Variants in EPC2 observed in about 807,000 individuals in gnomAD.
EPC2 encodes enhancer of polycomb homolog 2.
A neutral mutation model predicts 92.1 loss-of-function variants in EPC2; 14 were observed. The ratio of observed to expected loss-of-function variants is 0.15; its 90% CI spans 0.10 to 0.24. The LOEUF (loss-of-function observed/expected upper bound fraction) is 0.24, where lower values mean the gene tolerates loss of function less well. Ranked by LOEUF, EPC2 falls within the 10% of genes least tolerant of loss-of-function variation. The pLI, the probability that EPC2 is intolerant of heterozygous loss-of-function variation, is 1.00. For missense variants in EPC2, 755 were observed against 971.5 expected, an observed-to-expected ratio of 0.78 and a Z score of 2.96; for synonymous variants, 340 against 334.7, an observed-to-expected ratio of 1.02 and a Z score of -0.17.
intron 1 of EPC2, among the ~76,000 whole-genome samples, chr2:148,646,153 A>G (rs1237569902): frequency 6.6e-6 from 1 of 152,182 alleles, no homozygotes; most frequent in Non-Finnish European, 1.5e-5. Context: ...CAATGAACCT[A>G]CAGTCCCGCC....
intron 2 of EPC2, among the ~76,000 whole-genome samples, chr2:148,740,802 A>G (rs1399013531): frequency 6.6e-6 from 1 of 152,140 alleles, no homozygotes; most frequent in East Asian, 1.9e-4. Flanking sequence ...TTTCTCTAAA[A>G]TGTCTTCTAG....
chr2:148,720,259 T>A (rs1411036517), intron 2 of EPC2, among the ~76,000 whole-genome samples: 1 of 152,230 alleles, frequency 6.6e-6, no homozygotes, highest in Non-Finnish European at 1.5e-5. Flanking sequence ...GGACCCTTTC[T>A]CGTCTGGACC....
intron 1 of EPC2, among the ~76,000 whole-genome samples, chr2:148,674,762 A>T (rs1052284847): frequency 6.6e-6 from 1 of 152,116 alleles, no homozygotes; most frequent in Non-Finnish European, 1.5e-5. Flanking sequence ...ATTTCAATGC[A>T]CGTGTTCCTG....
intron 7 of EPC2, among the ~76,000 whole-genome samples, chr2:148,766,236 C>A (rs1382844920): frequency 6.6e-6 from 1 of 152,052 alleles, no homozygotes; most frequent in Non-Finnish European, 1.5e-5. Context: ...TTTTAAAAAC[C>A]AACATTATAG....
chr2:148,767,082 C>T (rs955691231), intron 7 of EPC2, among the ~76,000 whole-genome samples: 3 of 151,974 alleles, frequency 2.0e-5, no homozygotes, highest in Non-Finnish European at 4.4e-5. Flanking sequence ...CCTGTAGTCC[C>T]AGCTACTCCG....
rs569901420 is a variant in EPC2 at position 148,660,210 on chromosome 2, AAGAG to A, written c.153+15043_153+15046del. Among the ~76,000 whole-genome samples the A allele has an allele frequency of 2.3e-4, 35 of 152,242 alleles. No homozygotes were observed. The South Asian group carries it at 3.3e-3, about 14-fold the overall frequency. On this transcript the variant is annotated intron_variant, in intron 1 of 13. Transcript: ENST00000258484. ...TATGTGTGTAAGAGAGAGAAAGAGA[AAGAG>A]AGGTTTGTTTTTTAAAATCTATTTC...
At chr2:148,708,337 T>C (rs1682053850) in intron 2 of EPC2, among the ~76,000 whole-genome samples, 2 of 152,044 alleles carry the variant, frequency 1.3e-5, no homozygotes, top group Non-Finnish European at 2.9e-5. Flanking sequence ...GGCTCTGAAA[T>C]TGAAGCAATA....
intron 1 of EPC2, among the ~76,000 whole-genome samples, chr2:148,672,191 T>C (rs1472659934): frequency 1.3e-5 from 2 of 152,212 alleles, no homozygotes. Flanking sequence ...AATTAACTCA[T>C]TTGTCTTTAT....
At chr2:148,780,850 C>G (rs1187866752) in intron 10 of EPC2, among the ~76,000 whole-genome samples, 1 of 152,134 alleles carries the variant, frequency 6.6e-6, no homozygotes, top group Non-Finnish European at 1.5e-5. Flanking sequence ...TCTAAATCAA[C>G]TTATCAGTGA....
At chr2:148,694,065 A>T (rs1327976036) in intron 2 of EPC2, among the ~76,000 whole-genome samples, 1 of 152,232 alleles carries the variant, frequency 6.6e-6, no homozygotes, top group Non-Finnish European at 1.5e-5. Flanking sequence ...GAATAAATAA[A>T]TGAGTGAAAG....
At chr2:148,741,343 G>C (rs946361652) in intron 2 of EPC2, among the ~76,000 whole-genome samples, 18 of 152,172 alleles carry the variant, frequency 1.2e-4, no homozygotes, top group Admixed American at 7.9e-4. Flanking sequence ...ATAAGTGCTA[G>C]CTAACATTTA....
At chr2:148,739,377 T>G (rs1328830573) in intron 2 of EPC2, among the ~76,000 whole-genome samples, 1 of 152,122 alleles carries the variant, frequency 6.6e-6, no homozygotes, top group Admixed American at 6.5e-5. Context: ...ATCTTGCCAT[T>G]TTTTGGCCCT....
intron 2 of EPC2, among the ~76,000 whole-genome samples, chr2:148,693,544 T>G (rs1681683059): frequency 6.6e-6 from 1 of 152,220 alleles, no homozygotes; most frequent in Non-Finnish European, 1.5e-5. Flanking sequence ...GACACCAACC[T>G]TATTGAAATG....
intron 2 of EPC2, among the ~76,000 whole-genome samples, chr2:148,705,323 C>T (rs1361864683): frequency 6.6e-6 from 1 of 152,136 alleles, no homozygotes; most frequent in Non-Finnish European, 1.5e-5. Context: ...ACTTTCCCTA[C>T]TAACAGTAGT....
intron 2 of EPC2, among the ~76,000 whole-genome samples, chr2:148,708,020 G>A (rs1050845098): frequency 1.3e-5 from 2 of 152,160 alleles, no homozygotes; most frequent in Non-Finnish European, 2.9e-5. Context: ...GAAGGAGATA[G>A]AGACACAAAA....
chr2:148,730,808 T>C (rs1417308803), intron 2 of EPC2, among the ~76,000 whole-genome samples: 1 of 152,234 alleles, frequency 6.6e-6, no homozygotes, highest in African/African-American at 2.4e-5. Flanking sequence ...TATACTAGGA[T>C]CCATTTAACT....
intron 2 of EPC2, among the ~76,000 whole-genome samples, chr2:148,738,510 A>G (rs1489206327): frequency 6.6e-6 from 1 of 152,192 alleles, no homozygotes. Context: ...AGTACTTTTG[A>G]TTGGTTTACA....
intron 2 of EPC2, among the ~76,000 whole-genome samples, chr2:148,743,121 A>G (rs1682912364): frequency 6.6e-6 from 1 of 152,102 alleles, no homozygotes; most frequent in African/African-American, 2.4e-5. Flanking sequence ...ATTTTGTTGA[A>G]TATGTCACTT....
chr2:148,678,215 C>G (rs1448739558), intron 1 of EPC2, among the ~76,000 whole-genome samples: 2 of 152,182 alleles, frequency 1.3e-5, no homozygotes, highest in African/African-American at 2.4e-5. Flanking sequence ...ACACAGGGTG[C>G]TGATTGGTGT....
Sources: allele counts gnomAD v4.1 joint callset (sites outside exome capture counted in the v4.1 genomes callset), GRCh38; gene constraint gnomAD v4.1.1; transcripts MANE v1.5; gene names NCBI Gene and HGNC (gene_info 2026-07-23, HGNC 2026-07-21).